Variants in DIPK1A observed in about 807,000 individuals in gnomAD.
DIPK1A encodes family with sequence similarity 69 member A.
DIPK1A carries 27 observed loss-of-function variants against 40.8 expected under a neutral mutation model. The observed-to-expected ratio is 0.66, with a 90% CI of 0.49 to 0.91. The LOEUF is 0.91. DIPK1A is among the 40% of genes least tolerant of loss of function. DIPK1A has a pLI of 0.00. For missense variants in DIPK1A, 412 were observed against 505.7 expected, an observed-to-expected ratio of 0.81 and a Z score of 1.78; for synonymous variants, 166 against 171.3, an observed-to-expected ratio of 0.97 and a Z score of 0.24.
At chr1:92,888,747 G>A (rs1039895918) in intron 1 of DIPK1A, among the ~76,000 whole-genome samples, 2 of 152,216 alleles carry the variant, frequency 1.3e-5, no homozygotes, top group Non-Finnish European at 2.9e-5. Context: ...ATATCTCATT[G>A]TGGATTTTAT....
At chr1:92,892,549 G>A (rs1368811238) in intron 1 of DIPK1A, among the ~76,000 whole-genome samples, 1 of 152,000 alleles carries the variant, frequency 6.6e-6, no homozygotes, top group Non-Finnish European at 1.5e-5. Flanking sequence ...CAAAGATGGG[G>A]AAAAAACAGA....
At chr1:92,915,003 T>TGGTGAAAC (rs1557482973) in intron 1 of DIPK1A, among the ~76,000 whole-genome samples, 3 of 149,050 alleles carry the variant, frequency 2.0e-5, no homozygotes, top group African/African-American at 4.9e-5. Flanking sequence ...GACCAGAGTC[T>TGGTGAAAC]CTTGAGCCTG....
chr1:92,875,435 G>A (rs549866995), intron 2 of DIPK1A, among the ~76,000 whole-genome samples: 3 of 152,250 alleles, frequency 2.0e-5, no homozygotes, highest in Non-Finnish European at 4.4e-5. Context: ...TACTGGTAGA[G>A]GCCAGGTGCG....
Position 92,893,038 on chromosome 1 carries a change from A to G in DIPK1A, c.55-16608T>C, listed in dbSNP as rs943279628. ...AATCTACATCTGATTGGTGTAACTGAAAGTGACGGGGAGAATGGAACCAAG... is the reference window on the plus strand; with the variant it reads ...AATCTACATCTGATTGGTGTAACTGGAAGTGACGGGGAGAATGGAACCAAG... On this transcript the variant is annotated intron_variant, in intron 1 of 4. Transcript: ENST00000370310. Among the ~76,000 whole-genome samples, 4 of 152,154 alleles carry G rather than the reference A, an allele frequency of 2.6e-5. No homozygotes were observed. The East Asian group carries it at 7.7e-4, about 29-fold the overall frequency.
chr1:92,839,471 T>G (rs1225312917), downstream of DIPK1A, among the ~76,000 whole-genome samples: 2 of 152,112 alleles, frequency 1.3e-5, no homozygotes, highest in African/African-American at 2.4e-5. Context: ...AGGGATAGAT[T>G]GGTGGTAGTG....
intron 4 of DIPK1A, chr1:92,846,114 A>G (rs1571048779): frequency 6.3e-6 from 1 of 158,592 alleles, no homozygotes. Flanking sequence ...TAGAATGAGG[A>G]GGTGAACTCC....
Position 92,843,767 on chromosome 1 carries a change from T to C in DIPK1A, c.903A>G (p.Gly301=), listed in dbSNP as rs570489638. The C allele has an allele frequency of 2.6e-6, 4 of 1,551,890 alleles. No homozygotes were observed. In the South Asian group the frequency reaches 4.8e-5, roughly 18 times the overall value. ...TTTTCAAATCATACTTATCATTATA[T>C]CCTAGGTTTTTGGCACTAGTATCGC... ...LMCDTSAKNL[G]YNDKYDLKMV... is the part of the protein sequence containing the mutation. Residue 301 remains glycine (G), a synonymous_variant, in exon 5 of 5, where the codon GGA becomes GGG. Coordinates refer to ENST00000370310, the MANE Select transcript of DIPK1A (RefSeq NM_001006605.5).
intron 1 of DIPK1A, among the ~76,000 whole-genome samples, chr1:92,945,028 G>C (rs993574397): frequency 6.6e-6 from 1 of 152,160 alleles, no homozygotes; most frequent in Non-Finnish European, 1.5e-5. Context: ...GACAAGGAAA[G>C]ACTTAGGGTC....
chr1:92,891,334 A>G (rs918479678), intron 1 of DIPK1A, among the ~76,000 whole-genome samples: 3 of 149,640 alleles, frequency 2.0e-5, no homozygotes, highest in Admixed American at 1.3e-4. Context: ...TTTATTTCTA[A>G]TTTTGGGTTT....
chr1:92,910,778 T>C (rs1649798637), intron 1 of DIPK1A, among the ~76,000 whole-genome samples: 1 of 152,218 alleles, frequency 6.6e-6, no homozygotes. Flanking sequence ...TTGACATTGA[T>C]ACAATCTACT....
At chr1:92,915,951 G>A (rs1230374742) in intron 1 of DIPK1A, among the ~76,000 whole-genome samples, 1 of 152,126 alleles carries the variant, frequency 6.6e-6, no homozygotes, top group Non-Finnish European at 1.5e-5. Context: ...ATGAAGTATT[G>A]ATACATGCTA....
chr1:92,922,566 T>C (rs1347229582), intron 1 of DIPK1A, among the ~76,000 whole-genome samples: 2 of 152,144 alleles, frequency 1.3e-5, no homozygotes, highest in Admixed American at 1.3e-4. Flanking sequence ...ATCAATGCGG[T>C]TTGCTAAGAT....
intron 1 of DIPK1A, among the ~76,000 whole-genome samples, chr1:92,951,121 C>T (rs1036642929): frequency 6.6e-6 from 1 of 152,058 alleles, no homozygotes; most frequent in Non-Finnish European, 1.5e-5. Context: ...AGAGATTATC[C>T]TGGATTATCT....
intron 1 of DIPK1A, among the ~76,000 whole-genome samples, chr1:92,889,978 C>T (rs1648786062): frequency 6.6e-6 from 1 of 152,020 alleles, no homozygotes; most frequent in African/African-American, 2.4e-5. Flanking sequence ...GTGTCCTCTT[C>T]AATTTCTTTC....
At chr1:92,939,252 T>A (rs1343216612) in intron 1 of DIPK1A, among the ~76,000 whole-genome samples, 1 of 152,180 alleles carries the variant, frequency 6.6e-6, no homozygotes, top group Non-Finnish European at 1.5e-5. Flanking sequence ...ACTTGCTACA[T>A]AAGACATTTA....
In DIPK1A at chr1:92,843,654, T is replaced by C; in HGVS notation, c.1016A>G (p.Tyr339Cys). Residue 339 changes from tyrosine (Y) to cysteine (C), a missense_variant, in exon 5 of 5, where the codon TAT becomes TGT. By Grantham distance (194) the Tyr-to-Cys change is radical (BLOSUM62 -2). Transcript: ENST00000370310. ...RHCESDLDCV[Y>C]GTDCRTSCDQ... ...ACAGCTAGTTCTACAATCTGTGCCATAGACACAGTCCAAATCAGACTCACA... is the reference window on the plus strand; with the variant it reads ...ACAGCTAGTTCTACAATCTGTGCCACAGACACAGTCCAAATCAGACTCACA... The C allele has an allele frequency of 6.4e-7, 1 of 1,551,782 alleles. No homozygotes were observed. Among genetic ancestry groups the C allele is most frequent in the Non-Finnish European group, 8.7e-7 (1 of 1,146,996 alleles).
intron 2 of DIPK1A, among the ~76,000 whole-genome samples, chr1:92,863,637 T>C (rs1647392526): frequency 6.6e-6 from 1 of 151,424 alleles, no homozygotes. Context: ...ATAGGGTTTA[T>C]GTGTGTTAAG....
At chr1:92,860,646 A>AAAAAAATAGCCAGGGG (rs148916481) in intron 2 of DIPK1A, among the ~76,000 whole-genome samples, 2 of 105,212 alleles carry the variant, frequency 1.9e-5, no homozygotes, top group Non-Finnish European at 3.6e-5. Flanking sequence ...AAAAAAAAAA[A>AAAAAAATAGCCAGGGG]TGGTGGTGTG....
chr1:92,946,506 T>C (rs1211282772), intron 1 of DIPK1A, among the ~76,000 whole-genome samples: 3 of 152,216 alleles, frequency 2.0e-5, no homozygotes, highest in Admixed American at 6.5e-5. Flanking sequence ...AGTTGTTATT[T>C]CTGAGGTTAC....
Sources: allele counts gnomAD v4.1 joint callset (sites outside exome capture counted in the v4.1 genomes callset), GRCh38; gene constraint gnomAD v4.1.1; transcripts MANE v1.5; gene names NCBI Gene and HGNC (gene_info 2026-07-23, HGNC 2026-07-21).